Variants in MYO16 observed in about 807,000 individuals in gnomAD.
MYO16 encodes the protein unconventional myosin-XVI.
In MYO16, 94 loss-of-function variants were observed where a neutral mutation model predicts 205.3. The observed-to-expected ratio is 0.46, with a 90% CI of 0.39 to 0.54. MYO16 has a LOEUF of 0.54. MYO16 is among the 20% of genes least tolerant of loss of function. The probability of loss-of-function intolerance (pLI) is 0.00; values close to 1 mark genes in which losing one functional copy is unlikely to be tolerated. For missense variants in MYO16, 2,315 were observed against 2,387.5 expected (o/e 0.97, Z 0.63); for synonymous variants, 988 against 954.0 (o/e 1.04, Z -0.66).
At chr13:108,918,611 G>A (rs893911971) in intron 16 of MYO16, among the ~76,000 whole-genome samples, 1 of 152,192 alleles carries the variant, frequency 6.6e-6, no homozygotes, top group Non-Finnish European at 1.5e-5. Context: ...TGCTAATGCT[G>A]TTTGTCCTTG....
At chr13:109,007,491 A>C (rs10851225) in intron 21 of MYO16, among the ~76,000 whole-genome samples, 3 of 151,112 alleles carry the variant, frequency 2.0e-5, no homozygotes, top group Non-Finnish European at 4.4e-5. Context: ...GAGTGGTTTC[A>C]AGAGGGAATG....
intron 16 of MYO16, 119 bp from the exon 17 acceptor site, chr13:108,957,569 G>A: frequency 3.1e-6 from 2 of 639,288 alleles, no homozygotes; most frequent in South Asian, 3.9e-5. Context: ...AACACGTGGG[G>A]ACACCATGTC....
chr13:109,154,070 G>A (rs1877848075), intron 32 of MYO16, among the ~76,000 whole-genome samples: 1 of 152,228 alleles, frequency 6.6e-6, no homozygotes, highest in South Asian at 2.1e-4. Flanking sequence ...GGCTATCAAA[G>A]ACACGGTCCA....
Position 108,840,429 on chromosome 13 carries a change from T to C in MYO16, c.1098-3914T>C, listed in dbSNP as rs556684381. Among the ~76,000 whole-genome samples the C allele has an allele frequency of 3.9e-5, 6 of 152,320 alleles. No individual in the cohort carries two copies. The South Asian group carries it at 1.0e-3, about 26-fold the overall frequency. On this transcript the variant is annotated intron_variant, in intron 9 of 34. Transcript: ENST00000457511. ...CTGTGGTGGTTACTGAAAGCAACCC[T>C]TCAATTTACTCTCTTCTTGCTATGT...
intron 20 of MYO16, among the ~76,000 whole-genome samples, chr13:108,977,358 T>C (rs560756601): frequency 6.6e-6 from 1 of 152,198 alleles, no homozygotes; most frequent in African/African-American, 2.4e-5. Context: ...TTGAGATATA[T>C]GTTTAGAATT....
At position 109,052,362 on chromosome 13, in the gene MYO16, G is replaced by T; in HGVS notation, c.2935G>T (p.Val979Leu). 6.2e-7 allele frequency: 1 copy of T among 1,612,930 alleles called. No homozygotes were observed. The highest frequency in any genetic ancestry group is 2.2e-5 in the East Asian group (1 of 44,854). Residue 979 changes from valine (V) to leucine (L), a missense_variant, in exon 25 of 35, where the codon GTA becomes TTA. Around this residue, in one of 3 missense-constraint regions of MYO16, gnomAD observed 1,213 missense variants for 1,274.4 expected, o/e 0.95. Coordinates refer to ENST00000457511, the MANE Select transcript of MYO16 (RefSeq NM_001198950.3). Reference sequence around the variant, plus strand: ...GAAATTGTCACAAACAGGATCCCTCGTATCTGCCTATCCTTCCTTTAAATT... The same window carrying T: ...GAAATTGTCACAAACAGGATCCCTCTTATCTGCCTATCCTTCCTTTAAATT... The part of the protein sequence containing the change: ...QSKLSQTGSL[V>L]SAYPSFKFRG...
At chr13:108,577,027 T>C in the MYO16 span, among the ~76,000 whole-genome samples, 7 of 152,184 alleles carry the variant, frequency 4.6e-5, no homozygotes, top group African/African-American at 1.7e-4. Context: ...TCCCAAGGTG[T>C]TGGGATTACA....
intron 32 of MYO16, among the ~76,000 whole-genome samples, chr13:109,154,911 G>GAAAAAAAAAAAAAAAAAAAAAAAAAAA (rs59465499): frequency 1.6e-5 from 1 of 62,666 alleles, no homozygotes; most frequent in Non-Finnish European, 3.0e-5. Flanking sequence ...GGCTAATTAT[G>GAAAAAAAAAAAAAAAAAAAAAAAAAAA]AAAAAAAAAA....
At chr13:109,014,141 G>T (rs1405254395) in intron 22 of MYO16, among the ~76,000 whole-genome samples, 1 of 152,142 alleles carries the variant, frequency 6.6e-6, no homozygotes, top group Non-Finnish European at 1.5e-5. Flanking sequence ...ATTAAATTTT[G>T]TATAAGGTGT....
At chr13:109,175,922 C>T (rs549082695) in intron 33 of MYO16, among the ~76,000 whole-genome samples, 1 of 152,074 alleles carries the variant, frequency 6.6e-6, no homozygotes, top group East Asian at 1.9e-4. Flanking sequence ...GCAATGTTCC[C>T]TTTAGCTGCG....
At position 108,687,252 on chromosome 13, in the gene MYO16, C is replaced by T. The variant is rs143065477; in HGVS notation, c.292+21103C>T. Among the ~76,000 whole-genome samples, 382 of 152,256 alleles carry T rather than the reference C, an allele frequency of 2.5e-3. 1 individual carries two copies. Among genetic ancestry groups the T allele is most frequent in the Non-Finnish European group, 4.1e-3 (282 of 68,012 alleles). On this transcript the variant is annotated intron_variant, in intron 2 of 34. Coordinates refer to ENST00000457511, the MANE Select transcript of MYO16 (RefSeq NM_001198950.3). ...GTAGATTAGTAGACTAATTGCAGTG[C>T]AGTGTCTTCTCGCCAGGGGTTTGAT...
At chr13:108,866,052 A>T in intron 11 of MYO16, 125 bp from the exon 12 acceptor site, 1 of 568,922 alleles carries the variant, frequency 1.8e-6, no homozygotes, top group African/African-American at 1.9e-5. Flanking sequence ...AAAATAGCAA[A>T]ATACTAAAGT....
chr13:108,969,710 T>C (rs529608589), intron 20 of MYO16, among the ~76,000 whole-genome samples: 1 of 152,352 alleles, frequency 6.6e-6, no homozygotes, highest in South Asian at 2.1e-4. Flanking sequence ...AACAGCACCA[T>C]TGTAGGGCTT....
chr13:108,919,343 A>C (rs1454602554), intron 16 of MYO16, among the ~76,000 whole-genome samples: 1 of 152,202 alleles, frequency 6.6e-6, no homozygotes, highest in Non-Finnish European at 1.5e-5. Context: ...AGATTAACAT[A>C]TTTTGAATTT....
At chr13:108,724,651 A>T (rs1451732725) in intron 3 of MYO16, among the ~76,000 whole-genome samples, 1 of 151,848 alleles carries the variant, frequency 6.6e-6, no homozygotes, top group Non-Finnish European at 1.5e-5. Flanking sequence ...CGCACGGTGC[A>T]TGTTATTTTG....
chr13:108,644,782 G>A (rs543929600), intron 1 of MYO16, among the ~76,000 whole-genome samples: 33 of 152,236 alleles, frequency 2.2e-4, no homozygotes, highest in African/African-American at 7.5e-4. Context: ...AGACAAATCT[G>A]TGTTCAACCC....
intron 1 of MYO16, among the ~76,000 whole-genome samples, chr13:108,631,367 T>C (rs1196616345): frequency 1.3e-5 from 2 of 152,176 alleles, no homozygotes; most frequent in East Asian, 3.9e-4. Flanking sequence ...CCAAACACAA[T>C]ATGAGTCTGC....
At chr13:108,927,412 G>A (rs1444900784) in intron 16 of MYO16, among the ~76,000 whole-genome samples, 1 of 152,060 alleles carries the variant, frequency 6.6e-6, no homozygotes, top group African/African-American at 2.4e-5. Flanking sequence ...TGGGCCTGGG[G>A]CATGAGCCAG....
At position 108,739,163 on chromosome 13, in the gene MYO16, T is replaced by A. The variant is rs1309179876; in HGVS notation, c.507+11580T>A. Among the ~76,000 whole-genome samples the A allele has an allele frequency of 3.3e-5, 5 of 152,306 alleles. No homozygotes were observed. In the East Asian group the frequency reaches 9.7e-4, roughly 29 times the overall value. On this transcript the variant is annotated intron_variant, in intron 4 of 34. Coordinates refer to ENST00000457511, the MANE Select transcript of MYO16 (RefSeq NM_001198950.3). ...TAAGGTTAATATTGTTATGTGTGAA[T>A]TTGATCCTGTCATTATGATGTTAGC...
Sources: gnomAD v4.1 joint callset for allele counts (sites outside exome capture counted in the v4.1 genomes callset) on GRCh38, gnomAD v4.1.1 for gene constraint, gnomAD v4.1.1 regional missense constraint, MANE v1.5 for transcripts, NCBI Gene and HGNC (gene_info 2026-07-23, HGNC 2026-07-21) for gene names.